LSAMP: variants seen among roughly 807,000 people sequenced by gnomAD.
LSAMP encodes limbic system associated membrane protein.
LSAMP carries 7 observed loss-of-function variants against 38.6 expected under a neutral mutation model. The observed-to-expected ratio is 0.18, with a 90% CI of 0.10 to 0.34. The LOEUF (loss-of-function observed/expected upper bound fraction) is 0.34, where lower values mean the gene tolerates loss of function less well. LSAMP is among the 10% of genes least tolerant of loss of function. The pLI is 1.00. For synonymous variants in LSAMP, 154 were observed against 166.8 expected (o/e 0.92, Z 0.59); for missense variants, 313 against 420.0 (o/e 0.75, Z 2.23).
chr3:116,291,725 C>T (rs1451609930), intron 1 of LSAMP, among the ~76,000 whole-genome samples: 1 of 152,134 alleles, frequency 6.6e-6, no homozygotes, highest in Non-Finnish European at 1.5e-5. Flanking sequence ...TAACTTCCCA[C>T]ACTCATCATG....
intron 2 of LSAMP, among the ~76,000 whole-genome samples, chr3:116,074,474 G>A (rs1707685450): frequency 6.6e-6 from 1 of 152,022 alleles, no homozygotes; most frequent in Non-Finnish European, 1.5e-5. Flanking sequence ...AAAACCATTT[G>A]TATTTCAGAT....
intron 3 of LSAMP, among the ~76,000 whole-genome samples, chr3:115,898,269 T>C (rs187338530): frequency 3.9e-5 from 6 of 152,230 alleles, no homozygotes; most frequent in African/African-American, 1.4e-4. Flanking sequence ...CTGTAGGAGT[T>C]CCTAAAACCT....
At chr3:116,336,543 C>T (rs575521536) in intron 1 of LSAMP, among the ~76,000 whole-genome samples, 51 of 152,042 alleles carry the variant, frequency 3.4e-4, no homozygotes, top group African/African-American at 1.2e-3. Flanking sequence ...ATAAAAACTA[C>T]AATGAGATAC....
intron 3 of LSAMP, among the ~76,000 whole-genome samples, chr3:115,908,348 T>C (rs1937060139): frequency 6.6e-6 from 1 of 152,186 alleles, no homozygotes; most frequent in Non-Finnish European, 1.5e-5. Flanking sequence ...CTTATTCAAC[T>C]GTAGACTTAG....
chr3:115,842,721 A>G, intron 4 of LSAMP, 143 bp from the exon 5 acceptor site: 1 of 967,560 alleles, frequency 1.0e-6, no homozygotes, highest in Admixed American at 2.7e-5. Context: ...GAATTATGTG[A>G]TCAGCTCAAT....
intron 1 of LSAMP, among the ~76,000 whole-genome samples, chr3:116,129,216 G>A (rs745744555): frequency 6.6e-6 from 1 of 152,000 alleles, no homozygotes; most frequent in Non-Finnish European, 1.5e-5. Flanking sequence ...AATAGACTAG[G>A]TGCACAATGT....
At chr3:115,870,322 C>T (rs1179133673) in intron 3 of LSAMP, among the ~76,000 whole-genome samples, 1 of 152,016 alleles carries the variant, frequency 6.6e-6, no homozygotes. Context: ...GTTGTGCTTC[C>T]CATTTTTTTA....
chr3:116,191,644 A>G (rs1710757260), intron 1 of LSAMP, among the ~76,000 whole-genome samples: 1 of 151,282 alleles, frequency 6.6e-6, no homozygotes, highest in African/African-American at 2.4e-5. Context: ...TCCTTGGCCC[A>G]TCTAGTTTCC....
At chr3:116,053,805 G>C (rs887969043) in intron 2 of LSAMP, among the ~76,000 whole-genome samples, 2 of 152,194 alleles carry the variant, frequency 1.3e-5, no homozygotes, top group Non-Finnish European at 2.9e-5. Flanking sequence ...AATAGTCAGT[G>C]CTGTGTCTTT....
intron 6 of LSAMP, among the ~76,000 whole-genome samples, chr3:115,822,429 C>T (rs372917589): frequency 1.0e-4 from 15 of 148,454 alleles, no homozygotes; most frequent in East Asian, 6.0e-4. Flanking sequence ...GGCCCGATCT[C>T]GGCCCACCAC....
At position 116,411,089 on chromosome 3, in the gene LSAMP, C is replaced by T. The variant is rs1477459195; in HGVS notation, c.155+33788G>A. Among the ~76,000 whole-genome samples, 7 of 152,178 alleles carry T rather than the reference C, an allele frequency of 4.6e-5. No homozygotes were observed. The East Asian group carries it at 7.8e-4, about 17-fold the overall frequency. ...AACCACAATGAGATATCATCTCACA[C>T]CAGTTAGAATGGCAATCATTAAAAA... is the stretch of plus-strand genomic sequence containing the variant. On this transcript the variant is annotated intron_variant, in intron 1 of 6. Coordinates refer to ENST00000490035, the MANE Select transcript of LSAMP (RefSeq NM_002338.5).
At chr3:116,333,108 C>G (rs1003002103) in intron 1 of LSAMP, among the ~76,000 whole-genome samples, 8 of 151,850 alleles carry the variant, frequency 5.3e-5, no homozygotes, top group African/African-American at 1.9e-4. Flanking sequence ...AATATAGGAC[C>G]TAACACAATA....
chr3:115,851,778 G>T (rs1301254274), intron 4 of LSAMP, among the ~76,000 whole-genome samples: 2 of 152,176 alleles, frequency 1.3e-5, no homozygotes, highest in East Asian at 3.9e-4. Context: ...AACTGAACAG[G>T]GTAAACGAAT....
At chr3:116,119,373 A>C (rs1576374889) in intron 1 of LSAMP, among the ~76,000 whole-genome samples, 1 of 152,118 alleles carries the variant, frequency 6.6e-6, no homozygotes, top group East Asian at 1.9e-4. Flanking sequence ...AGATATATGT[A>C]TATGTATGTT....
intron 3 of LSAMP, among the ~76,000 whole-genome samples, chr3:115,995,700 C>T (rs2107649547): frequency 6.6e-6 from 1 of 152,112 alleles, no homozygotes; most frequent in African/African-American, 2.4e-5. Context: ...GTTCAATTGA[C>T]TTTACATGTT....
chr3:116,267,709 G>GT (rs963747775), intron 1 of LSAMP, among the ~76,000 whole-genome samples: 2 of 151,796 alleles, frequency 1.3e-5, no homozygotes, highest in East Asian at 1.9e-4. Context: ...CTGTTCGTCT[G>GT]TTTTTTAGAC....
At chr3:115,818,864 C>T (rs1251376222) in intron 6 of LSAMP, among the ~76,000 whole-genome samples, 1 of 134,058 alleles carries the variant, frequency 7.5e-6, no homozygotes, top group Non-Finnish European at 1.6e-5. Context: ...GATTCTAGCA[C>T]AAAAAAAGTG....
chr3:115,975,688 G>A (rs1473508421), intron 3 of LSAMP, among the ~76,000 whole-genome samples: 4 of 151,988 alleles, frequency 2.6e-5, no homozygotes, highest in Non-Finnish European at 4.4e-5. Context: ...TTTCTAAACC[G>A]CCAAAGCATT....
intron 1 of LSAMP, among the ~76,000 whole-genome samples, chr3:116,125,272 C>CA (rs1318362788): frequency 6.6e-6 from 1 of 152,178 alleles, no homozygotes; most frequent in Non-Finnish European, 1.5e-5. Context: ...TTTTCCCAGA[C>CA]AAAATCAAGA....
Sources: allele counts gnomAD v4.1 joint callset (sites outside exome capture counted in the v4.1 genomes callset), GRCh38; gene constraint gnomAD v4.1.1; transcripts MANE v1.5; gene names NCBI Gene and HGNC (gene_info 2026-07-23, HGNC 2026-07-21).